Variants in NOL4 observed in about 807,000 individuals in gnomAD.
The protein encoded by NOL4 is nucleolar protein 4, also known as cancer/testis antigen 125.
NOL4 carries 17 observed loss-of-function variants against 75.9 expected under a neutral mutation model. The ratio of observed to expected loss-of-function variants is 0.22; its 90% CI spans 0.15 to 0.34. The LOEUF is 0.34. Among genes scored for constraint, NOL4 ranks in the 10% least tolerant of loss-of-function variants. NOL4 has a pLI of 1.00. For synonymous variants in NOL4, 292 were observed against 289.9 expected (o/e 1.01, Z -0.07); for missense variants, 614 against 793.5 (o/e 0.77, Z 2.72).
chr18:33,955,700 T>C (rs1386009680), intron 8 of NOL4, among the ~76,000 whole-genome samples: 1 of 152,140 alleles, frequency 6.6e-6, no homozygotes, highest in Non-Finnish European at 1.5e-5. Context: ...TGCATTAAAT[T>C]CTAGAAGAAA....
At chr18:34,142,826 C>CTAAA (rs1012711981) in intron 1 of NOL4, among the ~76,000 whole-genome samples, 4 of 151,878 alleles carry the variant, frequency 2.6e-5, no homozygotes, top group African/African-American at 9.6e-5. Flanking sequence ...TACTTAAAGT[C>CTAAA]TAAATAAATA....
At chr18:34,222,966 AAC>A (rs756898876) in intron 1 of NOL4, 22 bp downstream of exon 1, 205 of 1,600,546 alleles carry the variant, frequency 1.3e-4, no homozygotes, top group Non-Finnish European at 1.7e-4. Context: ...GCAGACAAAT[AAC>A]AGAGGAAGGC....
At chr18:34,017,537 G>A (rs902031736) in intron 6 of NOL4, among the ~76,000 whole-genome samples, 12 of 151,988 alleles carry the variant, frequency 7.9e-5, no homozygotes, top group Non-Finnish European at 1.2e-4. Flanking sequence ...TACTCCTGCC[G>A]TTTATATCTC....
chr18:34,003,259 T>C (rs567998675), intron 6 of NOL4, among the ~76,000 whole-genome samples: 14 of 152,232 alleles, frequency 9.2e-5, no homozygotes, highest in African/African-American at 3.4e-4. Flanking sequence ...ATCTTTATTA[T>C]TGTATGTGTT....
chr18:33,940,692 A>AAAAACAAAAC (rs751876990), intron 9 of NOL4, among the ~76,000 whole-genome samples: 3 of 151,952 alleles, frequency 2.0e-5, no homozygotes, highest in African/African-American at 7.3e-5. Context: ...TTAAAGTACA[A>AAAAACAAAAC]AAAACAAAAC....
chr18:33,888,810 C>T (rs1022754990), intron 9 of NOL4, among the ~76,000 whole-genome samples: 10 of 151,976 alleles, frequency 6.6e-5, no homozygotes, highest in African/African-American at 2.4e-4. Context: ...CATGCTGTTT[C>T]GGTTGCTGTA....
chr18:34,016,881 G>A (rs2074728944), intron 6 of NOL4, among the ~76,000 whole-genome samples: 1 of 152,048 alleles, frequency 6.6e-6, no homozygotes, highest in Non-Finnish European at 1.5e-5. Flanking sequence ...GAATCCTTTA[G>A]TAAATATTTG....
intron 9 of NOL4, among the ~76,000 whole-genome samples, chr18:33,886,494 C>T (rs534369264): frequency 1.2e-4 from 18 of 149,498 alleles, no homozygotes; most frequent in Non-Finnish European, 2.2e-4. Context: ...TGCCACTGCA[C>T]TCCAGCCTGG....
At chr18:33,858,478 C>T (rs1308370205) in intron 10 of NOL4, among the ~76,000 whole-genome samples, 1 of 151,762 alleles carries the variant, frequency 6.6e-6, no homozygotes, top group East Asian at 1.9e-4. Flanking sequence ...CCTGGTTATA[C>T]TAGATATTCT....
At chr18:34,048,964 T>A (rs997377536) in intron 5 of NOL4, among the ~76,000 whole-genome samples, 4 of 152,070 alleles carry the variant, frequency 2.6e-5, no homozygotes, top group African/African-American at 9.7e-5. Flanking sequence ...TTAGATTTTT[T>A]AAAATGATTA....
intron 6 of NOL4, among the ~76,000 whole-genome samples, chr18:34,007,269 G>A (rs2074088028): frequency 6.6e-6 from 1 of 151,984 alleles, no homozygotes; most frequent in Admixed American, 6.6e-5. Flanking sequence ...TTGGAATACA[G>A]GAGATCCATT....
rs1174730527 is a variant in NOL4 at position 34,167,044 on chromosome 18, C to CAAAAAAAA, written c.265-37032_265-37025dup. 1.1e-3 allele frequency among the ~76,000 whole-genome samples: 6 copies of CAAAAAAAA among 5,668 alleles called. 1 individual carries two copies. Among genetic ancestry groups the CAAAAAAAA allele is most frequent in the East Asian group, 6.8e-3 (1 of 148 alleles). The allele number at this position is 5,668 out of a possible 152,430, so 3.7% of individuals were successfully genotyped here. On this transcript the variant is annotated intron_variant, in intron 1 of 10. Transcript: ENST00000261592. The stretch of plus-strand genomic sequence containing the variant: ...TGGGCGACAGAGCGAGACTCCGTCT[C>CAAAAAAAA]AAAAAAAAAAAAAAAAAAAAAAAAA...
chr18:33,996,806 A>T (rs1459846038), intron 6 of NOL4, among the ~76,000 whole-genome samples: 9 of 151,726 alleles, frequency 5.9e-5, no homozygotes, highest in African/African-American at 2.2e-4. Flanking sequence ...TATCAAGTCC[A>T]CTGTTGATGG....
chr18:34,185,641 A>G (rs907842680), intron 1 of NOL4, among the ~76,000 whole-genome samples: 14 of 152,286 alleles, frequency 9.2e-5, no homozygotes, highest in Admixed American at 5.9e-4. Context: ...ATTGTGTTCC[A>G]TGAGAATCTC....
At chr18:34,089,491 T>C (rs2078404882) in intron 5 of NOL4, among the ~76,000 whole-genome samples, 1 of 152,146 alleles carries the variant, frequency 6.6e-6, no homozygotes, top group East Asian at 1.9e-4. Flanking sequence ...ACCGGTCACA[T>C]GTAGCTATTT....
intron 1 of NOL4, among the ~76,000 whole-genome samples, chr18:34,162,925 G>A (rs1280664095): frequency 6.6e-6 from 1 of 152,138 alleles, no homozygotes; most frequent in East Asian, 1.9e-4. Context: ...GGGATGCAAG[G>A]CTGCTTCAAC....
intron 10 of NOL4, among the ~76,000 whole-genome samples, chr18:33,882,041 C>T (rs911656013): frequency 9.9e-5 from 15 of 151,992 alleles, no homozygotes; most frequent in Middle Eastern, 3.2e-3. Flanking sequence ...TTACACCTTA[C>T]ACAAAAATAA....
chr18:34,082,325 A>AG (rs1483440551), intron 5 of NOL4, among the ~76,000 whole-genome samples: 6 of 152,070 alleles, frequency 3.9e-5, no homozygotes, highest in Non-Finnish European at 8.8e-5. Flanking sequence ...TGGTGATGAT[A>AG]GGCTAGTAAA....
At chr18:33,986,814 T>A (rs1568173661) in intron 6 of NOL4, among the ~76,000 whole-genome samples, 2 of 152,274 alleles carry the variant, frequency 1.3e-5, no homozygotes, top group Non-Finnish European at 2.9e-5. Flanking sequence ...AACCTGTTTG[T>A]AAATGTTTAC....
Sources: gnomAD v4.1 joint callset for allele counts (sites outside exome capture counted in the v4.1 genomes callset) on GRCh38, gnomAD v4.1.1 for gene constraint, MANE v1.5 for transcripts, NCBI Gene and HGNC (gene_info 2026-07-23, HGNC 2026-07-21) for gene names.